The following BMPR1B variants were observed in gnomAD, a reference collection of about 807,000 sequenced individuals.
BMPR1B encodes bone morphogenetic protein receptor type-1B.
A neutral mutation model predicts 59.1 loss-of-function variants in BMPR1B; 12 were observed. That is an observed-to-expected ratio of 0.20 (90% CI 0.13 to 0.33). The LOEUF is 0.33. BMPR1B is among the 10% of genes least tolerant of loss of function. BMPR1B has a pLI of 1.00. For missense variants in BMPR1B, 550 were observed against 610.9 expected (o/e 0.90, Z 1.05); for synonymous variants, 237 against 207.3 (o/e 1.14, Z -1.23).
At chr4:94,894,212 A>G (rs1372669425) in intron 2 of BMPR1B, among the ~76,000 whole-genome samples, 2 of 152,018 alleles carry the variant, frequency 1.3e-5, no homozygotes, top group Admixed American at 6.6e-5. Context: ...CCACTACCCA[A>G]GTGCTCTTTA....
At chr4:94,933,939 G>A (rs751232774) in intron 2 of BMPR1B, among the ~76,000 whole-genome samples, 1 of 152,104 alleles carries the variant, frequency 6.6e-6, no homozygotes, top group African/African-American at 2.4e-5. Flanking sequence ...TAGGTATTCC[G>A]TTGCGTTGTA....
chr4:94,928,591 G>A (rs1357867197), intron 2 of BMPR1B, among the ~76,000 whole-genome samples: 2 of 150,026 alleles, frequency 1.3e-5, no homozygotes, highest in Non-Finnish European at 3.0e-5. Flanking sequence ...TTTTTTTTTG[G>A]CAAGTCCCTT....
chr4:95,110,974 C>T (rs905442285), intron 4 of BMPR1B, among the ~76,000 whole-genome samples: 2 of 152,052 alleles, frequency 1.3e-5, no homozygotes, highest in African/African-American at 4.8e-5. Flanking sequence ...GACTTTACTC[C>T]CTTGAGTGAG....
At position 95,069,523 on chromosome 4, in the gene BMPR1B, T is replaced by G. The variant is rs188985722; in HGVS notation, c.-17-34885T>G. Among the ~76,000 whole-genome samples the G allele has an allele frequency of 4.0e-3, 616 of 152,302 alleles. 2 individuals are homozygous for G. The highest frequency in any genetic ancestry group is 4.4e-3 in the Non-Finnish European group (299 of 68,016). On this transcript the variant is annotated intron_variant, in intron 3 of 12. Coordinates refer to ENST00000515059, the MANE Select transcript of BMPR1B (RefSeq NM_001203.3). ...TCATCCTTCCCTTCTCAAAACTGAC[T>G]TTTACATGGAGGAATTCTAGCTATC... is the stretch of plus-strand genomic sequence containing the variant.
chr4:95,035,655 C>T (rs1229161742), intron 3 of BMPR1B, among the ~76,000 whole-genome samples: 1 of 152,120 alleles, frequency 6.6e-6, no homozygotes, highest in East Asian at 1.9e-4. Flanking sequence ...GTTTTTATAT[C>T]AGTACTACAC....
chr4:95,041,855 C>G (rs1725676600), intron 3 of BMPR1B, among the ~76,000 whole-genome samples: 1 of 151,408 alleles, frequency 6.6e-6, no homozygotes, highest in African/African-American at 2.4e-5. Context: ...CTCCAAAATC[C>G]AAAACTTTTT....
At chr4:95,003,488 G>A (rs550032010) in intron 3 of BMPR1B, among the ~76,000 whole-genome samples, 3 of 152,058 alleles carry the variant, frequency 2.0e-5, no homozygotes, top group Non-Finnish European at 4.4e-5. Context: ...TTAACTTGGC[G>A]TGATTCTAGA....
intron 1 of BMPR1B, among the ~76,000 whole-genome samples, chr4:94,805,479 G>A (rs1395510312): frequency 2.0e-5 from 3 of 152,122 alleles, no homozygotes; most frequent in Non-Finnish European, 4.4e-5. Flanking sequence ...GAAAATAAGA[G>A]TGTTTTGTGA....
chr4:94,758,365 T>TCGAGGAGTCG (rs1721611754), intron 1 of BMPR1B, among the ~76,000 whole-genome samples: 2 of 148,304 alleles, frequency 1.3e-5, no homozygotes, highest in African/African-American at 5.0e-5. Context: ...GCCTCGTGCC[T>TCGAGGAGTCG]GCGCAGGCGA....
chr4:94,860,645 G>T (rs977351984), intron 1 of BMPR1B, among the ~76,000 whole-genome samples: 2 of 151,920 alleles, frequency 1.3e-5, no homozygotes, highest in Admixed American at 1.3e-4. Context: ...TTATTTTTTA[G>T]TTTTTGTAGG....
intron 2 of BMPR1B, among the ~76,000 whole-genome samples, chr4:94,932,394 C>T (rs988588567): frequency 2.6e-5 from 4 of 152,144 alleles, no homozygotes. Flanking sequence ...AAACAGATAT[C>T]ACTATTCTTA....
At chr4:94,768,507 C>T (rs1722056652) in intron 1 of BMPR1B, among the ~76,000 whole-genome samples, 1 of 152,056 alleles carries the variant, frequency 6.6e-6, no homozygotes, top group African/African-American at 2.4e-5. Flanking sequence ...TTTTCCCTCC[C>T]CTTTCATTTT....
In BMPR1B at chr4:95,104,388, C is replaced by T. The variant is rs548001370; in HGVS notation, c.-17-20C>T. 6.2e-7 allele frequency: 1 copy of T among 1,612,136 alleles called. No individual in the cohort carries two copies. Among genetic ancestry groups the T allele is most frequent in the Admixed American group, 1.7e-5 (1 of 59,790 alleles). ...TAGTCTACCCCACAGATGCCTAACT[C>T]TCACTATTTCTTCTTTCAGCAAACT... is the stretch of plus-strand genomic sequence containing the variant. On this transcript the variant is annotated intron_variant, in intron 3 of 12. Transcript: ENST00000515059.
chr4:94,983,805 T>G (rs1309386264), intron 2 of BMPR1B, among the ~76,000 whole-genome samples: 2 of 152,246 alleles, frequency 1.3e-5, no homozygotes, highest in Non-Finnish European at 2.9e-5. Flanking sequence ...CATGTTTATC[T>G]CATGGCCTTT....
chr4:94,794,316 A>T lies in BMPR1B; in HGVS notation c.-183+36248A>T, dbSNP rs1723100682. Among the ~76,000 whole-genome samples, 6 of 151,594 alleles carry T rather than the reference A, an allele frequency of 4.0e-5. No individual in the cohort carries two copies. In the South Asian group the frequency reaches 1.3e-3, roughly 32 times the overall value. ...CTTGTTTTTCTCAGGTTTGTCAAAG[A>T]TCAGATAGCTGCAGATATGTGGCGT... is the stretch of plus-strand genomic sequence containing the variant. On this transcript the variant is annotated intron_variant, in intron 1 of 12. Transcript: ENST00000515059.
At chr4:94,804,975 C>G (rs1190123162) in intron 1 of BMPR1B, among the ~76,000 whole-genome samples, 1 of 152,098 alleles carries the variant, frequency 6.6e-6, no homozygotes, top group African/African-American at 2.4e-5. Flanking sequence ...TCATTATAGA[C>G]AGAAATAGCC....
At chr4:94,962,124 T>TTCC (rs1560569231) in intron 2 of BMPR1B, among the ~76,000 whole-genome samples, 2 of 88,048 alleles carry the variant, frequency 2.3e-5, no homozygotes, top group African/African-American at 1.2e-4. Context: ...TCCTTCCTTC[T>TTCC]TTCCTTCCTT....
At chr4:95,039,004 A>G (rs1217275532) in intron 3 of BMPR1B, among the ~76,000 whole-genome samples, 1 of 152,224 alleles carries the variant, frequency 6.6e-6, no homozygotes, top group African/African-American at 2.4e-5. Context: ...TTGGCGGTAC[A>G]GACATAACCA....
chr4:94,928,184 G>C (rs1344960845), intron 2 of BMPR1B, among the ~76,000 whole-genome samples: 1 of 148,998 alleles, frequency 6.7e-6, no homozygotes, highest in Non-Finnish European at 1.5e-5. Flanking sequence ...TTTTTAGAAA[G>C]AGAAATAAAG....
Sources: allele counts gnomAD v4.1 joint callset (sites outside exome capture counted in the v4.1 genomes callset), GRCh38; gene constraint gnomAD v4.1.1; transcripts MANE v1.5; gene names NCBI Gene and HGNC (gene_info 2026-07-23, HGNC 2026-07-21).